The following MERTK variants were observed in gnomAD, a reference collection of about 807,000 sequenced individuals.
The protein encoded by MERTK is tyrosine-protein kinase Mer.
In MERTK, 69 loss-of-function variants were observed where a neutral mutation model predicts 99.3. The ratio of observed to expected loss-of-function variants is 0.70; its 90% CI spans 0.57 to 0.85. MERTK has a LOEUF of 0.85. MERTK is among the 40% of genes least tolerant of loss of function. The pLI is 0.00. For missense variants in MERTK, 1,125 were observed against 1,249.4 expected (o/e 0.90, Z 1.50); for synonymous variants, 426 against 467.6 (o/e 0.91, Z 1.15).
intron 15 of MERTK, among the ~76,000 whole-genome samples, chr2:112,018,079 AAGG>A (rs1193779672): frequency 6.6e-6 from 1 of 152,176 alleles, no homozygotes; most frequent in Non-Finnish European, 1.5e-5. Context: ...ACACAAGAAG[AAGG>A]AGGAGGAGAA....
chr2:111,940,637 C>T (rs1684846998), intron 2 of MERTK: 5 of 678,136 alleles, frequency 7.4e-6, no homozygotes, highest in Admixed American at 3.6e-5. Flanking sequence ...AAAGCCATTA[C>T]ACCAGGCTTA....
intron 6 of MERTK, among the ~76,000 whole-genome samples, chr2:111,970,877 T>C (rs113313626): frequency 1.5e-5 from 2 of 136,826 alleles, no homozygotes; most frequent in African/African-American, 6.8e-5. Context: ...TTCTTCTCCT[T>C]CTTCTTGTTC....
chr2:111,962,899 A>C (rs1322441012), intron 4 of MERTK, among the ~76,000 whole-genome samples: 1 of 152,132 alleles, frequency 6.6e-6, no homozygotes, highest in African/African-American at 2.4e-5. Flanking sequence ...GTGGAACGAG[A>C]GACTTGGAAA....
chr2:111,905,052 T>A (rs1684111769), intron 1 of MERTK, among the ~76,000 whole-genome samples: 1 of 152,338 alleles, frequency 6.6e-6, no homozygotes, highest in South Asian at 2.1e-4. Context: ...GGCAGAGAAT[T>A]CCATTAGGAT....
intron 4 of MERTK, among the ~76,000 whole-genome samples, chr2:111,953,855 G>A (rs565879325): frequency 1.3e-5 from 2 of 152,298 alleles, no homozygotes; most frequent in South Asian, 2.1e-4. Context: ...GACTACAGGC[G>A]TGAGCCACTG....
At chr2:111,921,885 C>T (rs1684466365) in intron 1 of MERTK, among the ~76,000 whole-genome samples, 1 of 152,246 alleles carries the variant, frequency 6.6e-6, no homozygotes, top group Middle Eastern at 3.4e-3. Flanking sequence ...CTAGCCTGGG[C>T]CTCTTGAGTT....
At chr2:111,937,174 G>A (rs1341587180) in intron 2 of MERTK, among the ~76,000 whole-genome samples, 1 of 152,068 alleles carries the variant, frequency 6.6e-6, no homozygotes, top group Admixed American at 6.5e-5. Context: ...GCCAGGCATG[G>A]TGGCTTATGC....
intron 4 of MERTK, among the ~76,000 whole-genome samples, chr2:111,959,965 A>G (rs1685213580): frequency 6.6e-6 from 1 of 152,220 alleles, no homozygotes; most frequent in South Asian, 2.1e-4. Flanking sequence ...GCATCATCAT[A>G]TATCATATAG....
chr2:111,903,044 G>A (rs1684074825), intron 1 of MERTK, among the ~76,000 whole-genome samples: 1 of 152,176 alleles, frequency 6.6e-6, no homozygotes, highest in Non-Finnish European at 1.5e-5. Flanking sequence ...CTCCCAAAGT[G>A]CAGAGATTAC....
intron 1 of MERTK, among the ~76,000 whole-genome samples, chr2:111,906,867 T>C (rs772296702): frequency 2.0e-5 from 3 of 152,264 alleles, no homozygotes; most frequent in African/African-American, 4.8e-5. Flanking sequence ...GGGTATAGTG[T>C]GTCCTCCTTC....
chr2:111,975,279 C>T lies in MERTK; in HGVS notation c.961-10C>T, dbSNP rs1676223249. The T allele has an allele frequency of 6.2e-7, 1 of 1,614,130 alleles. No homozygotes were observed. Among genetic ancestry groups the T allele is most frequent in the South Asian group, 1.1e-5 (1 of 91,072 alleles). On this transcript the variant is annotated splice_polypyrimidine_tract_variant and intron_variant, in intron 6 of 18. Coordinates refer to ENST00000295408, the MANE Select transcript of MERTK (RefSeq NM_006343.3). Reference sequence around the variant, plus strand: ...CTAATGCCCGGTCCTCATGTTTACTCTTCGTTTAGGTCAAGGAAGCTGATC... The same window carrying T: ...CTAATGCCCGGTCCTCATGTTTACTTTTCGTTTAGGTCAAGGAAGCTGATC...
chr2:112,021,691 G>A lies in MERTK; in HGVS notation c.2349+110G>A, dbSNP rs139184310. 78 of 1,025,126 alleles carry A rather than the reference G, an allele frequency of 7.6e-5. 1 individual carries two copies. The Middle Eastern group carries it at 1.3e-3, about 16-fold the overall frequency. The allele number at this position is 1,025,126 out of a possible 1,614,324, so 63.5% of individuals were successfully genotyped here. On this transcript the variant is annotated intron_variant, in intron 17 of 18. Coordinates refer to ENST00000295408, the MANE Select transcript of MERTK (RefSeq NM_006343.3). ...ACATTTTACTCTTTGATAAACTGAG[G>A]GTTGGCAGCTTGCTCAGATCTCTTT...
At chr2:111,943,100 A>G (rs1206071012) in intron 2 of MERTK, among the ~76,000 whole-genome samples, 3 of 152,210 alleles carry the variant, frequency 2.0e-5, no homozygotes, top group African/African-American at 4.8e-5. Context: ...ACCCCTGCCT[A>G]TCAGGCCATG....
At chr2:112,013,218 A>C (rs1292132096) in intron 15 of MERTK, 2 of 154,284 alleles carry the variant, frequency 1.3e-5, no homozygotes, top group Non-Finnish European at 2.9e-5. Flanking sequence ...AGGAGGCTGC[A>C]GCTGCATCAC....
At chr2:111,937,745 C>T (rs1684789260) in intron 2 of MERTK, among the ~76,000 whole-genome samples, 1 of 152,160 alleles carries the variant, frequency 6.6e-6, no homozygotes, top group South Asian at 2.1e-4. Flanking sequence ...ACCACAGATG[C>T]CTGATACTTT....
chr2:111,944,972 G>T lies in MERTK; in HGVS notation c.495G>T (p.Val165=), dbSNP rs1684938059. ...AIIASFSITS[V]QRSDNGSYIC... Reference sequence around the variant, plus strand: ...TTTTTCTTTGCAGCATAACCAGTGTGCAGCGTTCAGACAATGGGTCGTATA... The same window carrying T: ...TTTTTCTTTGCAGCATAACCAGTGTTCAGCGTTCAGACAATGGGTCGTATA... The change falls in exon 3 of 19, where the codon GTG becomes GTT. Residue 165 remains valine, a synonymous_variant. Coordinates refer to ENST00000295408, the MANE Select transcript of MERTK (RefSeq NM_006343.3). 1 of 1,613,290 alleles carries T rather than the reference G, an allele frequency of 6.2e-7. No homozygotes were observed. The highest frequency in any genetic ancestry group is 8.5e-7 in the Non-Finnish European group (1 of 1,179,518).
chr2:112,020,763 C>T (rs1677324737), intron 16 of MERTK: 1 of 443,668 alleles, frequency 2.3e-6, no homozygotes, highest in Non-Finnish European at 4.6e-6. Context: ...ATCAGTCCAC[C>T]AGAGGGCTCT....
At chr2:111,997,185 A>G (rs867088912) in intron 9 of MERTK, 138 bp from the exon 10 acceptor site, 1 of 1,030,518 alleles carries the variant, frequency 9.7e-7, no homozygotes, top group Middle Eastern at 2.4e-4. Context: ...GCTTACACAA[A>G]GTGAGACCTG....
At chr2:111,982,805 G>A (rs962550950) in intron 7 of MERTK, 37 bp from the exon 8 acceptor site, 2 of 1,610,032 alleles carry the variant, frequency 1.2e-6, no homozygotes, top group African/African-American at 1.3e-5. Context: ...TGTGTGCTTT[G>A]TGGTTCTTCA....
Sources: allele counts gnomAD v4.1 joint callset (sites outside exome capture counted in the v4.1 genomes callset), GRCh38; gene constraint gnomAD v4.1.1; transcripts MANE v1.5; gene names NCBI Gene and HGNC (gene_info 2026-07-23, HGNC 2026-07-21).